The following SLC67A2 variants were observed in gnomAD, a reference collection of about 807,000 sequenced individuals.
The protein encoded by SLC67A2 is solute carrier family 67 member A2.
the SLC67A2 span, among the ~76,000 whole-genome samples, chr2:102,729,814 A>G: frequency 6.6e-6 from 1 of 152,356 alleles, no homozygotes; most frequent in East Asian, 1.9e-4. Context: ...GGCTAAAACT[A>G]TTATTGTAAT....
At chr2:102,730,878 C>A in the SLC67A2 span, 106 of 744,652 alleles carry the variant, frequency 1.4e-4, no homozygotes, top group African/African-American at 1.6e-3. Flanking sequence ...TGTTTACATT[C>A]TTTTTGTCTG....
At chr2:102,727,449 C>T in the SLC67A2 span, among the ~76,000 whole-genome samples, 1 of 152,108 alleles carries the variant, frequency 6.6e-6, no homozygotes, top group Admixed American at 6.6e-5. Context: ...TTGTAACTTG[C>T]TTTTTTACTT....
At chr2:102,729,725 T>A in the SLC67A2 span, among the ~76,000 whole-genome samples, 1 of 152,122 alleles carries the variant, frequency 6.6e-6, no homozygotes, top group Non-Finnish European at 1.5e-5. Flanking sequence ...CCTATGTGGG[T>A]CTTAATTGGT....
At chr2:102,736,521 G>A in the SLC67A2 span, 2 of 1,593,510 alleles carry the variant, frequency 1.3e-6, no homozygotes, top group Middle Eastern at 1.7e-4. Flanking sequence ...TAGGTAGTGA[G>A]GCACTCACCA....
the SLC67A2 span, chr2:102,726,746 A>G: frequency 1.3e-6 from 2 of 1,483,972 alleles, no homozygotes; most frequent in Non-Finnish European, 1.8e-6. Context: ...GATGTTGAGC[A>G]AGACCACAGA....
chr2:102,736,571 A>C, the SLC67A2 span: 1 of 1,612,168 alleles, frequency 6.2e-7, no homozygotes, highest in East Asian at 2.2e-5. Context: ...GCTCCCCGGA[A>C]GCTCCAAGAA....
the SLC67A2 span, among the ~76,000 whole-genome samples, chr2:102,726,126 G>C: frequency 1.3e-5 from 2 of 152,198 alleles, no homozygotes; most frequent in African/African-American, 4.8e-5. Context: ...GACGAGCCTG[G>C]AAACAGCAAA....
At chr2:102,733,662 C>T in the SLC67A2 span, among the ~76,000 whole-genome samples, 2 of 151,952 alleles carry the variant, frequency 1.3e-5, no homozygotes, top group Non-Finnish European at 2.9e-5. Context: ...GATGTTTACA[C>T]ATTTAAAAGA....
chr2:102,733,802 C>T, the SLC67A2 span, among the ~76,000 whole-genome samples: 63 of 151,750 alleles, frequency 4.2e-4, no homozygotes, highest in Non-Finnish European at 8.2e-4. Context: ...AATGGGTATC[C>T]TAAATAAGAG....
At chr2:102,723,847 C>G in the SLC67A2 span, 1 of 1,614,122 alleles carries the variant, frequency 6.2e-7, no homozygotes, top group Non-Finnish European at 8.5e-7. Flanking sequence ...AGCGGCCGTT[C>G]CTTCTCTGGA....
the SLC67A2 span, among the ~76,000 whole-genome samples, chr2:102,727,173 T>TG: frequency 6.6e-6 from 1 of 151,956 alleles, no homozygotes; most frequent in African/African-American, 2.4e-5. Flanking sequence ...AAACACAATG[T>TG]ATTTTTTTTT....
At chr2:102,722,580 T>A in the SLC67A2 span, among the ~76,000 whole-genome samples, 2 of 152,172 alleles carry the variant, frequency 1.3e-5, no homozygotes, top group African/African-American at 4.8e-5. Flanking sequence ...AAGAATAAAA[T>A]TAATCCCTTC....
At chr2:102,733,010 T>C in the SLC67A2 span, among the ~76,000 whole-genome samples, 1 of 152,192 alleles carries the variant, frequency 6.6e-6, no homozygotes, top group Non-Finnish European at 1.5e-5. Flanking sequence ...GCTTCCGTGC[T>C]GTCATCTGCA....
the SLC67A2 span, among the ~76,000 whole-genome samples, chr2:102,715,042 T>A: frequency 4.4e-4 from 67 of 152,120 alleles, no homozygotes; most frequent in Non-Finnish European, 6.5e-4. Flanking sequence ...ATTCACAACC[T>A]CTCCTGCGAT....
chr2:102,727,263 T>C, the SLC67A2 span, among the ~76,000 whole-genome samples: 7 of 152,194 alleles, frequency 4.6e-5, no homozygotes, highest in African/African-American at 7.2e-5. Flanking sequence ...GTATAATTTA[T>C]AAAGCCTCAT....
At chr2:102,725,048 G>C in the SLC67A2 span, among the ~76,000 whole-genome samples, 3 of 152,182 alleles carry the variant, frequency 2.0e-5, no homozygotes, top group South Asian at 6.2e-4. Flanking sequence ...CGAAGACTGT[G>C]GTAAGAGTAT....
the SLC67A2 span, among the ~76,000 whole-genome samples, chr2:102,723,043 C>G: frequency 6.6e-6 from 1 of 152,104 alleles, no homozygotes; most frequent in African/African-American, 2.4e-5. Flanking sequence ...GATGGAAAAA[C>G]AAAAGGTGTT....
chr2:102,735,906 T>TG, the SLC67A2 span, among the ~76,000 whole-genome samples: 2 of 151,816 alleles, frequency 1.3e-5, no homozygotes, highest in Non-Finnish European at 2.9e-5. Context: ...TGCACACCCT[T>TG]TGTCCAAAGG....
At chr2:102,723,987 C>T in the SLC67A2 span, 2 of 1,237,574 alleles carry the variant, frequency 1.6e-6, no homozygotes, top group Non-Finnish European at 2.4e-6. Context: ...TGCTTAACCT[C>T]TATCCCTGAT....
Sources: allele counts gnomAD v4.1 joint callset (sites outside exome capture counted in the v4.1 genomes callset), GRCh38; gene constraint gnomAD v4.1.1; transcripts MANE v1.5; gene names NCBI Gene and HGNC (gene_info 2026-07-23, HGNC 2026-07-21).